KDM5A: variants seen among roughly 807,000 people sequenced by gnomAD.
The protein encoded by KDM5A is lysine-specific demethylase 5A.
In KDM5A, 42 loss-of-function variants were observed where a neutral mutation model predicts 193.5. The observed-to-expected ratio is 0.22, with a 90% CI of 0.17 to 0.28. The LOEUF (loss-of-function observed/expected upper bound fraction) is 0.28, where lower values mean the gene tolerates loss of function less well. Among genes scored for constraint, KDM5A ranks in the 10% least tolerant of loss-of-function variants. The pLI, the probability that KDM5A is intolerant of heterozygous loss-of-function variation, is 1.00. For synonymous variants in KDM5A, 796 were observed against 718.1 expected (o/e 1.11, Z -1.73); for missense variants, 1,692 against 2,055.1 (o/e 0.82, Z 3.42).
intron 14 of KDM5A, among the ~76,000 whole-genome samples, chr12:325,706 G>A (rs370435697): frequency 2.0e-5 from 3 of 151,134 alleles, no homozygotes; most frequent in East Asian, 3.9e-4. Flanking sequence ...AAAAAACTAG[G>A]TAACATATAA....
intron 21 of KDM5A, 139 bp from the exon 22 acceptor site, chr12:310,103 A>T: frequency 2.6e-6 from 2 of 771,804 alleles, no homozygotes; most frequent in South Asian, 3.6e-5. Flanking sequence ...GATCTAATTC[A>T]TTCCTCACAA....
At position 280,156 on chromosome 12, in the gene KDM5A, CTA is replaced by C. The variant is rs1197551178; in HGVS notation, c.*5298_*5299del. 3 of 231,838 alleles carry C rather than the reference CTA, an allele frequency of 1.3e-5. No homozygotes were observed. Among genetic ancestry groups the C allele is most frequent in the East Asian group, 1.2e-4 (2 of 16,368 alleles). 14.4% of individuals were successfully genotyped at this position (231,838 alleles called of 1,614,324 possible). A position where few individuals can be genotyped will look rare whatever the true frequency, so the allele number is the denominator to read the frequency against. The stretch of plus-strand genomic sequence containing the variant: ...AAGAGAGTGAAATTCCAAAATCACT[CTA>C]GTTTATTCACATAATATAGTATTTG... On this transcript the variant is annotated 3_prime_UTR_variant, in exon 28 of 28. Coordinates refer to ENST00000399788, the MANE Select transcript of KDM5A (RefSeq NM_001042603.3).
Position 348,955 on chromosome 12 carries a change from TA to T in KDM5A, c.1308+1665del, listed in dbSNP as rs368063848. ...AAACCTTATGGTGTCAAACTCGTTA[TA>T]GGGGGAAAAAACACGCATTCAGTGA... On this transcript the variant is annotated intron_variant, in intron 10 of 27. Coordinates refer to ENST00000399788, the MANE Select transcript of KDM5A (RefSeq NM_001042603.3). Among the ~76,000 whole-genome samples the T allele has an allele frequency of 3.1e-4, 45 of 147,242 alleles. No homozygotes were observed. In the East Asian group the frequency reaches 5.5e-3, roughly 18 times the overall value.
At chr12:349,616 C>T (rs1400876491) in intron 10 of KDM5A, among the ~76,000 whole-genome samples, 1 of 151,992 alleles carries the variant, frequency 6.6e-6, no homozygotes, top group Non-Finnish European at 1.5e-5. Flanking sequence ...GCGTGAGCCA[C>T]CACGCCCATC....
chr12:340,776 C>T (rs1943995072), intron 10 of KDM5A, among the ~76,000 whole-genome samples: 1 of 147,850 alleles, frequency 6.8e-6, no homozygotes, highest in Admixed American at 6.8e-5. Context: ...ATTTGTTATT[C>T]AGCCACTAAG....
chr12:382,575 T>C (rs1944587232), intron 3 of KDM5A, among the ~76,000 whole-genome samples: 2 of 152,122 alleles, frequency 1.3e-5, no homozygotes, highest in African/African-American at 4.8e-5. Flanking sequence ...CAAGAAGAAG[T>C]TGTTTTACAA....
At chr12:322,893 A>C (rs1486594811) in intron 16 of KDM5A, among the ~76,000 whole-genome samples, 189 bp downstream of exon 16, 1 of 152,200 alleles carries the variant, frequency 6.6e-6, no homozygotes, top group Non-Finnish European at 1.5e-5. Flanking sequence ...ATTTTATGTC[A>C]GCTTTTTCAT....
intron 19 of KDM5A, among the ~76,000 whole-genome samples, chr12:315,384 G>A (rs531782524): frequency 6.6e-6 from 1 of 152,260 alleles, no homozygotes; most frequent in East Asian, 1.9e-4. Context: ...GACAAGGCTG[G>A]CCAACATGGC....
In KDM5A at chr12:315,635, T is replaced by TA. The variant is rs539353057; in HGVS notation, c.2898-2442dup. ...TATAACATAAATCCACATGCAGACT[T>TA]AAAAAAAAAAAATGAAAGAAAGTGA... On this transcript the variant is annotated intron_variant, in intron 19 of 27. Transcript: ENST00000399788. Among the ~76,000 whole-genome samples, 402 of 142,356 alleles carry TA rather than the reference T, an allele frequency of 2.8e-3. 3 individuals are homozygous for TA. The highest frequency in any genetic ancestry group is 8.3e-3 in the African/African-American group (324 of 38,946). The allele number at this position is 142,356 out of a possible 152,430, so 93.4% of individuals were successfully genotyped here. A position where few individuals can be genotyped will look rare whatever the true frequency, so the allele number is the denominator to read the frequency against.
At chr12:384,298 G>A (rs563424724) in intron 2 of KDM5A, 145 bp from the exon 3 acceptor site, 29 of 689,116 alleles carry the variant, frequency 4.2e-5, no homozygotes, top group East Asian at 1.6e-4. Flanking sequence ...GGTGAGCAGC[G>A]GCAGTGGGCA....
At chr12:315,151 T>A (rs1462119431) in intron 19 of KDM5A, among the ~76,000 whole-genome samples, 2 of 152,044 alleles carry the variant, frequency 1.3e-5, no homozygotes, top group Admixed American at 6.6e-5. Context: ...AAAGAAGGAA[T>A]AATCCTACAA....
At chr12:363,663 G>A (rs764667605) in intron 4 of KDM5A, among the ~76,000 whole-genome samples, 1 of 151,926 alleles carries the variant, frequency 6.6e-6, no homozygotes, top group East Asian at 1.9e-4. Flanking sequence ...TATAAAAGCC[G>A]AAATTGTAAA....
rs1033790587 is a variant in KDM5A, at chr12:299,958, A to G, written c.4075-2758T>C. On this transcript the variant is annotated intron_variant, in intron 24 of 27. Coordinates refer to ENST00000399788, the MANE Select transcript of KDM5A (RefSeq NM_001042603.3). The stretch of plus-strand genomic sequence containing the variant: ...AGAGACAAGGCCATTACATAATGGT[A>G]AAGGGATCAATGCAACAAGAAGAGC... 8.0e-5 allele frequency among the ~76,000 whole-genome samples: 11 copies of G among 137,914 alleles called. No individual in the cohort carries two copies. In the South Asian group the frequency reaches 2.4e-3, roughly 30 times the overall value. 90.5% of individuals were successfully genotyped at this position (137,914 alleles called of 152,430 possible). A position where few individuals can be genotyped will look rare whatever the true frequency, so the allele number is the denominator to read the frequency against.
At chr12:302,671 G>A (rs968758268) in intron 24 of KDM5A, among the ~76,000 whole-genome samples, 1 of 152,104 alleles carries the variant, frequency 6.6e-6, no homozygotes. Flanking sequence ...TAGACAAATG[G>A]GATCTAATTA....
At position 307,438 on chromosome 12, in the gene KDM5A, T is replaced by C; in HGVS notation, c.3930+16A>G. ...TATCCCATGAAATAGAAAAAGAATG[T>C]AAATCCTAAACTTGCCTGTAAGTCT... On this transcript the variant is annotated intron_variant, in intron 23 of 27. Coordinates refer to ENST00000399788, the MANE Select transcript of KDM5A (RefSeq NM_001042603.3). This position sits in a 1 kb window ranked among gnomAD's most constrained non-coding sequence, Gnocchi z 4.3. The C allele has an allele frequency of 6.2e-7, 1 of 1,610,722 alleles. No homozygotes were observed. Among genetic ancestry groups the C allele is most frequent in the Non-Finnish European group, 8.5e-7 (1 of 1,178,398 alleles).
At chr12:371,015 T>C (rs533894089) in intron 3 of KDM5A, among the ~76,000 whole-genome samples, 118 of 152,364 alleles carry the variant, frequency 7.7e-4, no homozygotes, top group Middle Eastern at 6.8e-3. Flanking sequence ...CAGTCTATCA[T>C]TGATGGACAT....
In KDM5A at chr12:389,272, A is replaced by T; in HGVS notation, c.-181T>A. The T allele has an allele frequency of 1.4e-6, 1 of 730,358 alleles. No homozygotes were observed. The highest frequency in any genetic ancestry group is 2.4e-6 in the Non-Finnish European group (1 of 409,348). The allele number at this position is 730,358 out of a possible 1,614,324, so 45.2% of individuals were successfully genotyped here. On this transcript the variant is annotated 5_prime_UTR_variant, in exon 1 of 28. The change creates a new upstream start codon in the 5' untranslated region. Transcript: ENST00000399788. The stretch of plus-strand genomic sequence containing the variant: ...CTCCCGTTTGTTATTGTTTCTTGCA[A>T]GGCTTTTCCACTGAGGTTCAGGACT...
intron 27 of KDM5A, among the ~76,000 whole-genome samples, chr12:290,810 AG>A (rs1943282910): frequency 1.3e-5 from 2 of 152,170 alleles, no homozygotes; most frequent in Admixed American, 1.3e-4. Flanking sequence ...AGCAGAAGGG[AG>A]GGGAAAGATT....
chr12:312,806 C>T (rs547962827), intron 20 of KDM5A, among the ~76,000 whole-genome samples: 2 of 152,140 alleles, frequency 1.3e-5, no homozygotes, highest in Non-Finnish European at 2.9e-5. Context: ...TGCTGCTGCC[C>T]GGCATTGTGA....
Sources: allele counts gnomAD v4.1 joint callset (sites outside exome capture counted in the v4.1 genomes callset), GRCh38; gene constraint gnomAD v4.1.1; non-coding constraint Gnocchi (gnomAD v3.1); transcripts MANE v1.5; gene names NCBI Gene and HGNC (gene_info 2026-07-23, HGNC 2026-07-21).